Variants in UGGT2 observed in about 807,000 individuals in gnomAD.
UGGT2 encodes the protein UDP-glucose glycoprotein glucosyltransferase 2, also known as UDP-glucose:glycoprotein glucosyltransferase 2.
Under a neutral mutation model 192.1 loss-of-function variants are expected in UGGT2, and 180 were observed. That is an observed-to-expected ratio of 0.94 (90% confidence interval 0.83 to 1.06). UGGT2 has a LOEUF of 1.06. UGGT2 is among the 50% of genes least tolerant of loss of function. The pLI, the probability that UGGT2 is intolerant of heterozygous loss-of-function variation, is 0.00. For missense variants in UGGT2, 1,849 were observed against 1,795.7 expected (o/e 1.03, Z -0.54); for synonymous variants, 580 against 591.0 (o/e 0.98, Z 0.27).
At chr13:95,974,364 CCT>C (rs1265919525) in intron 10 of UGGT2, among the ~76,000 whole-genome samples, 1 of 152,172 alleles carries the variant, frequency 6.6e-6, no homozygotes, top group Non-Finnish European at 1.5e-5. Flanking sequence ...CTTCACACAC[CCT>C]GATTGAAGCT....
At chr13:95,804,297 G>C (rs1884202396) in intron 38 of UGGT2, among the ~76,000 whole-genome samples, 2 of 152,014 alleles carry the variant, frequency 1.3e-5, no homozygotes, top group Admixed American at 1.3e-4. Flanking sequence ...AAATTGCTGA[G>C]AGAAATGAAA....
At chr13:95,968,518 G>T (rs1448500980) in intron 12 of UGGT2, among the ~76,000 whole-genome samples, 1 of 152,070 alleles carries the variant, frequency 6.6e-6, no homozygotes, top group Non-Finnish European at 1.5e-5. Flanking sequence ...TCATGTCTTG[G>T]TGTTGTCTTT....
At chr13:95,969,067 A>G (rs1282357186) in intron 12 of UGGT2, among the ~76,000 whole-genome samples, 1 of 152,214 alleles carries the variant, frequency 6.6e-6, no homozygotes, top group Non-Finnish European at 1.5e-5. Context: ...AATCTGAGTT[A>G]TAATAAACAT....
At position 95,891,019 on chromosome 13, in the gene UGGT2, T is replaced by A. The variant is rs73558638; in HGVS notation, c.2856-55A>T. The A allele has an allele frequency of 1.7e-3, 2,177 of 1,256,032 alleles. 32 individuals carry two copies. The African/African-American group carries it at 0.029, about 17-fold the overall frequency. 77.8% of individuals were successfully genotyped at this position (1,256,032 alleles called of 1,614,324 possible). A position where few individuals can be genotyped will look rare whatever the true frequency, so the allele number is the denominator to read the frequency against. On this transcript the variant is annotated intron_variant, in intron 24 of 38. Coordinates refer to ENST00000376747, the MANE Select transcript of UGGT2 (RefSeq NM_020121.4). ...GACGTGTTAAGTTTATACAAACAAC[T>A]AATCATGATCTTAGCTATATAATTC...
At chr13:96,022,078 C>T (rs1447979533) in intron 4 of UGGT2, among the ~76,000 whole-genome samples, 1 of 151,634 alleles carries the variant, frequency 6.6e-6, no homozygotes, top group African/African-American at 2.4e-5. Flanking sequence ...GATAATAAAG[C>T]AATAAATATT....
chr13:95,934,249 T>G lies in UGGT2; in HGVS notation c.1977+2675A>C, dbSNP rs546845943. Among the ~76,000 whole-genome samples, 6 of 152,354 alleles carry G rather than the reference T, an allele frequency of 3.9e-5. No individual in the cohort carries two copies. In the East Asian group the frequency reaches 1.2e-3, roughly 29 times the overall value. On this transcript the variant is annotated intron_variant, in intron 17 of 38. Coordinates refer to ENST00000376747, the MANE Select transcript of UGGT2 (RefSeq NM_020121.4). ...AGTATGACTGGTATGATTCTGACTT[T>G]AAAAAATTTATTGAGACTTACTTTA...
In UGGT2 at chr13:96,031,027, C is replaced by G. The variant is rs140804674; in HGVS notation, c.241+862G>C. 4.1e-4 allele frequency among the ~76,000 whole-genome samples: 62 copies of G among 152,164 alleles called. 1 individual carries two copies. Among genetic ancestry groups the G allele is most frequent in the African/African-American group, 1.4e-3 (60 of 41,500 alleles). On this transcript the variant is annotated intron_variant, in intron 2 of 38. Transcript: ENST00000376747. ...TAGAACGTATAACAGCAAGATTGAA[C>G]CCTAATGTAAACTATGGACCTTGCG...
intron 38 of UGGT2, among the ~76,000 whole-genome samples, chr13:95,827,244 G>C (rs980080440): frequency 1.3e-5 from 2 of 152,058 alleles, no homozygotes; most frequent in Non-Finnish European, 2.9e-5. Flanking sequence ...AAAAATACAT[G>C]AATTTTGGTC....
chr13:95,953,049 C>T (rs2050114419), intron 12 of UGGT2, among the ~76,000 whole-genome samples: 1 of 152,192 alleles, frequency 6.6e-6, no homozygotes, highest in South Asian at 2.1e-4. Flanking sequence ...GATTATGATT[C>T]TTAACATTAC....
intron 15 of UGGT2, among the ~76,000 whole-genome samples, chr13:95,941,406 C>T (rs1012127818): frequency 6.6e-6 from 1 of 152,118 alleles, no homozygotes; most frequent in Admixed American, 6.5e-5. Flanking sequence ...TGTAATTAGA[C>T]TGAAGAGTTT....
intron 36 of UGGT2, among the ~76,000 whole-genome samples, chr13:95,837,594 C>T (rs921769328): frequency 6.6e-6 from 1 of 152,176 alleles, no homozygotes; most frequent in African/African-American, 2.4e-5. Context: ...GAATTTTCAT[C>T]TCCCCATTGG....
chr13:95,934,170 T>A (rs1211475995), intron 17 of UGGT2, among the ~76,000 whole-genome samples: 1 of 152,210 alleles, frequency 6.6e-6, no homozygotes, highest in Non-Finnish European at 1.5e-5. Context: ...AATTATGTAG[T>A]TTTGAGAGAT....
chr13:95,989,952 A>G (rs759587808), intron 8 of UGGT2, 21 bp downstream of exon 8: 39 of 1,526,558 alleles, frequency 2.6e-5, no homozygotes, highest in Non-Finnish European at 3.1e-5. Context: ...TGCTGTGTTA[A>G]AGTATCTCAA....
At chr13:95,991,260 A>C (rs1339926557) in intron 7 of UGGT2, 1 of 269,712 alleles carries the variant, frequency 3.7e-6, no homozygotes, top group Non-Finnish European at 7.6e-6. Context: ...TTGCTGGGTC[A>C]AATGGTATTT....
At chr13:95,934,020 T>C (rs561278467) in intron 17 of UGGT2, among the ~76,000 whole-genome samples, 2 of 152,336 alleles carry the variant, frequency 1.3e-5, no homozygotes, top group South Asian at 4.1e-4. Flanking sequence ...GTTAGCACTA[T>C]AACTCTGAAA....
intron 37 of UGGT2, among the ~76,000 whole-genome samples, chr13:95,833,765 C>G (rs760646952): frequency 5.3e-5 from 8 of 152,156 alleles, no homozygotes; most frequent in African/African-American, 1.7e-4. Flanking sequence ...CCACCAGTAC[C>G]TTTGGCTTGA....
chr13:96,021,965 G>A (rs1423506892), intron 4 of UGGT2, among the ~76,000 whole-genome samples: 1 of 151,986 alleles, frequency 6.6e-6, no homozygotes, highest in African/African-American at 2.4e-5. Flanking sequence ...GGGAGGAAAA[G>A]GATTCCAATG....
intron 27 of UGGT2, 63 bp downstream of exon 27, chr13:95,884,428 G>A: frequency 7.5e-7 from 1 of 1,333,454 alleles, no homozygotes; most frequent in Non-Finnish European, 1.0e-6. Context: ...TGCTACAATT[G>A]TAATAGCTGA....
chr13:95,863,776 G>T, intron 30 of UGGT2, 62 bp from the exon 31 acceptor site: 1 of 1,330,588 alleles, frequency 7.5e-7, no homozygotes, highest in Non-Finnish European at 1.1e-6. Context: ...TGTATGGTTA[G>T]AAAGTGAAAC....
Sources: gnomAD v4.1 joint callset for allele counts (sites outside exome capture counted in the v4.1 genomes callset) on GRCh38, gnomAD v4.1.1 for gene constraint, MANE v1.5 for transcripts, NCBI Gene and HGNC (gene_info 2026-07-23, HGNC 2026-07-21) for gene names.